Variants in CHST9 observed in about 807,000 individuals in gnomAD.
CHST9 encodes carbohydrate sulfotransferase 9.
Under a neutral mutation model 44.4 loss-of-function variants are expected in CHST9, and 41 were observed. That is an observed-to-expected ratio of 0.92 (90% confidence interval 0.72 to 1.20). The LOEUF is 1.20. Among genes scored for constraint, CHST9 ranks in the 50% most tolerant of loss-of-function variants. The pLI is 0.00. For synonymous variants in CHST9, 171 were observed against 178.4 expected (o/e 0.96, Z 0.33); for missense variants, 504 against 516.5 (o/e 0.98, Z 0.23).
chr18:27,089,995 T>A (rs2058052586), intron 2 of CHST9, among the ~76,000 whole-genome samples: 1 of 152,040 alleles, frequency 6.6e-6, no homozygotes, highest in South Asian at 2.1e-4. Flanking sequence ...GTGTTTTTAG[T>A]AGAGATGGGG....
rs11875529 is a variant in CHST9, at chr18:26,963,287, C to A, written c.203-18921G>T. Reference sequence around the variant, plus strand: ...GAAGGACTCACTCCTCTGCCATTTCCTGGAACCATGGGCTGCTTTTGCACC... The same window carrying A: ...GAAGGACTCACTCCTCTGCCATTTCATGGAACCATGGGCTGCTTTTGCACC... On this transcript the variant is annotated intron_variant, in intron 4 of 5. Coordinates refer to ENST00000618847, the MANE Select transcript of CHST9 (RefSeq NM_031422.6). Among the ~76,000 whole-genome samples, 579 of 152,212 alleles carry A rather than the reference C, an allele frequency of 3.8e-3. 3 individuals are homozygous for A. Among genetic ancestry groups the A allele is most frequent in the African/African-American group, 0.014 (564 of 41,520 alleles).
In CHST9 at chr18:26,927,596, A is replaced by G. The variant is rs575971391; in HGVS notation, c.241-10246T>C. Among the ~76,000 whole-genome samples, 3 of 152,260 alleles carry G rather than the reference A, an allele frequency of 2.0e-5. No homozygotes were observed. The South Asian group carries it at 6.2e-4, about 32-fold the overall frequency. ...CTGTGCTTTGATGTGCATATACATA[A>G]ACATCTCAATGCATTAAAGAGCAGT... On this transcript the variant is annotated intron_variant, in intron 5 of 5. Transcript: ENST00000618847.
chr18:26,969,615 C>T (rs187984395), intron 4 of CHST9, among the ~76,000 whole-genome samples: 28 of 152,258 alleles, frequency 1.8e-4, no homozygotes, highest in African/African-American at 6.5e-4. Context: ...GCTGAGCTTA[C>T]ATTAGAGAGT....
chr18:27,018,358 G>T (rs1449298569), intron 4 of CHST9, among the ~76,000 whole-genome samples: 1 of 152,198 alleles, frequency 6.6e-6, no homozygotes, highest in African/African-American at 2.4e-5. Context: ...AAATATTTAA[G>T]AGAATAGCTA....
intron 4 of CHST9, among the ~76,000 whole-genome samples, chr18:27,005,470 T>C (rs960803556): frequency 2.8e-4 from 42 of 152,154 alleles, no homozygotes; most frequent in Non-Finnish European, 4.3e-4. Context: ...TTCAAATCGA[T>C]GCTATTTTTA....
At chr18:26,975,666 T>TATATAA (rs2056609430) in intron 4 of CHST9, among the ~76,000 whole-genome samples, 1 of 144,322 alleles carries the variant, frequency 6.9e-6, no homozygotes, top group Non-Finnish European at 1.5e-5. Flanking sequence ...TATATATATA[T>TATATAA]ATAAATATAT....
At chr18:27,092,473 A>G (rs187634827) in intron 2 of CHST9, among the ~76,000 whole-genome samples, 20 of 150,966 alleles carry the variant, frequency 1.3e-4, no homozygotes, top group African/African-American at 4.9e-4. Context: ...TTAATTATTT[A>G]TTGCCTTCTG....
At chr18:27,065,413 G>C (rs1186097719) in intron 2 of CHST9, among the ~76,000 whole-genome samples, 1 of 152,164 alleles carries the variant, frequency 6.6e-6, no homozygotes. Flanking sequence ...CCTTCTAGGG[G>C]AGGAGCAGAA....
intron 2 of CHST9, among the ~76,000 whole-genome samples, chr18:27,078,852 A>G (rs1207917365): frequency 2.0e-5 from 3 of 152,218 alleles, no homozygotes; most frequent in Non-Finnish European, 4.4e-5. Flanking sequence ...TCAAAGTGCC[A>G]TAAATATTGA....
At chr18:27,093,349 C>A (rs2058087189) in intron 2 of CHST9, among the ~76,000 whole-genome samples, 1 of 152,258 alleles carries the variant, frequency 6.6e-6, no homozygotes, top group Admixed American at 6.5e-5. Flanking sequence ...GCCCTGCCAA[C>A]AGAGGTGAAG....
chr18:27,088,427 G>A (rs534118861), intron 2 of CHST9, among the ~76,000 whole-genome samples: 291 of 143,866 alleles, frequency 2.0e-3, no homozygotes, highest in African/African-American at 7.0e-3. Context: ...ATGGAGTCTC[G>A]CTCTGTCGGC....
At chr18:26,948,979 T>C (rs1164194222) in intron 4 of CHST9, among the ~76,000 whole-genome samples, 1 of 151,908 alleles carries the variant, frequency 6.6e-6, no homozygotes, top group Non-Finnish European at 1.5e-5. Flanking sequence ...GGCCCAGCCT[T>C]TGGAGATTGT....
chr18:27,070,730 C>G (rs1422644511), intron 2 of CHST9, among the ~76,000 whole-genome samples: 1 of 152,218 alleles, frequency 6.6e-6, no homozygotes, highest in Non-Finnish European at 1.5e-5. Flanking sequence ...TTCCCAAACA[C>G]TCCTTGCTTT....
At chr18:27,176,816 T>A (rs1703742967) in intron 1 of CHST9, among the ~76,000 whole-genome samples, 1 of 152,044 alleles carries the variant, frequency 6.6e-6, no homozygotes, top group Non-Finnish European at 1.5e-5. Flanking sequence ...GTACCTGGGA[T>A]TTCAGTGATT....
intron 1 of CHST9, among the ~76,000 whole-genome samples, chr18:27,158,655 T>C (rs200253325): frequency 1.3e-5 from 2 of 152,088 alleles, no homozygotes; most frequent in African/African-American, 2.4e-5. Flanking sequence ...GTATTTCTAG[T>C]TCAAGATCCC....
chr18:27,146,695 C>T (rs972371279), intron 1 of CHST9, among the ~76,000 whole-genome samples: 4 of 152,252 alleles, frequency 2.6e-5, no homozygotes, highest in Admixed American at 2.0e-4. Context: ...AAACTTGTTG[C>T]ATTGAACTGA....
chr18:27,116,142 A>G (rs1219070427), intron 2 of CHST9, among the ~76,000 whole-genome samples: 1 of 152,028 alleles, frequency 6.6e-6, no homozygotes, highest in Non-Finnish European at 1.5e-5. Flanking sequence ...TTAATGTTGA[A>G]ATCTAATTTA....
intron 2 of CHST9, among the ~76,000 whole-genome samples, chr18:27,067,081 G>A (rs928619296): frequency 6.6e-6 from 1 of 152,032 alleles, no homozygotes; most frequent in Admixed American, 6.6e-5. Flanking sequence ...TTTCTTGAAA[G>A]TAAAATGGTA....
intron 5 of CHST9, among the ~76,000 whole-genome samples, chr18:26,929,542 T>C (rs1183863848): frequency 1.3e-5 from 2 of 152,192 alleles, no homozygotes; most frequent in East Asian, 1.9e-4. Context: ...AAGATGACCA[T>C]GGGAACAGTC....
Sources: gnomAD v4.1 joint callset for allele counts (sites outside exome capture counted in the v4.1 genomes callset) on GRCh38, gnomAD v4.1.1 for gene constraint, MANE v1.5 for transcripts, NCBI Gene and HGNC (gene_info 2026-07-23, HGNC 2026-07-21) for gene names.